CPEB1: variants seen among roughly 807,000 people sequenced by gnomAD.
CPEB1 encodes cytoplasmic polyadenylation element-binding protein 1.
In CPEB1, 7 loss-of-function variants were observed where a neutral mutation model predicts 65.8. The ratio of observed to expected loss-of-function variants is 0.11; its 90% CI spans 0.06 to 0.20. The LOEUF is 0.20. CPEB1 is among the 10% of genes least tolerant of loss of function. The pLI is 1.00. For synonymous variants in CPEB1, 262 were observed against 260.0 expected (o/e 1.01, Z -0.08); for missense variants, 551 against 712.2 (o/e 0.77, Z 2.58).
intron 1 of CPEB1, among the ~76,000 whole-genome samples, chr15:82,632,173 G>A (rs2046311128): frequency 6.6e-6 from 1 of 151,582 alleles, no homozygotes; most frequent in Admixed American, 6.6e-5. Context: ...TAGTAGAGAT[G>A]GGGTTTCACC....
chr15:82,605,330 A>G (rs1029371403), intron 3 of CPEB1, among the ~76,000 whole-genome samples: 1 of 152,194 alleles, frequency 6.6e-6, no homozygotes, highest in African/African-American at 2.4e-5. Flanking sequence ...ATAGGTAAAT[A>G]TAATAGAGAG....
rs1318296933 is a variant in CPEB1, at chr15:82,628,385, A to C, written c.75T>G (p.Asp25Glu). Residue 25 changes from aspartate to glutamate, a missense_variant, in exon 2 of 13, where the codon GAT (aspartate) becomes GAG (glutamate). By Grantham distance (45) the Asp-to-Glu change is conservative. Transcript: ENST00000684509. ...GTGLEHSSLS[D>E]CLLLIPLEEE... ...ATACCAGAGGAATTAGCAGAAGACA[A>C]TCTGATAGAGATGAGTGCTCCAAAC... 1 of 702,860 alleles carries C rather than the reference A, an allele frequency of 1.4e-6. No homozygotes were observed. Among genetic ancestry groups the C allele is most frequent in the Non-Finnish European group, 2.6e-6 (1 of 384,898 alleles). The allele number at this position is 702,860 out of a possible 1,614,324, so 43.5% of individuals were successfully genotyped here.
At chr15:82,623,828 T>G (rs531828910) in intron 3 of CPEB1, among the ~76,000 whole-genome samples, 15 of 152,338 alleles carry the variant, frequency 9.8e-5, no homozygotes, top group Admixed American at 7.8e-4. Flanking sequence ...TTTTTTCATT[T>G]CAGACACTGT....
At chr15:82,596,431 C>T (rs1016666282) in intron 3 of CPEB1, among the ~76,000 whole-genome samples, 2 of 152,074 alleles carry the variant, frequency 1.3e-5, no homozygotes, top group Non-Finnish European at 2.9e-5. Context: ...ACAGGACAGG[C>T]GCTGCAGCTC....
chr15:82,581,790 T>C (rs1053934712), intron 3 of CPEB1, among the ~76,000 whole-genome samples: 7 of 152,202 alleles, frequency 4.6e-5, no homozygotes, highest in African/African-American at 1.7e-4. Flanking sequence ...TTTTGTTGAA[T>C]TGCCATCCAA....
At chr15:82,593,747 T>TA (rs1352482602) in intron 3 of CPEB1, among the ~76,000 whole-genome samples, 1 of 152,202 alleles carries the variant, frequency 6.6e-6, no homozygotes, top group Non-Finnish European at 1.5e-5. Flanking sequence ...GACTTGAAAG[T>TA]AAAAATTACT....
chr15:82,562,104 G>A (rs901064602), intron 4 of CPEB1: 3 of 422,532 alleles, frequency 7.1e-6, no homozygotes, highest in Admixed American at 5.9e-5. Context: ...AACAGCTAAT[G>A]AGTGACAGAG....
intron 3 of CPEB1, among the ~76,000 whole-genome samples, chr15:82,593,566 T>C (rs2042432223): frequency 1.3e-5 from 2 of 152,230 alleles, no homozygotes; most frequent in Non-Finnish European, 2.9e-5. Context: ...TGGAATCAAC[T>C]TCTTCCAAAT....
chr15:82,558,873 A>G (rs2037703220), intron 4 of CPEB1, among the ~76,000 whole-genome samples: 1 of 152,104 alleles, frequency 6.6e-6, no homozygotes, highest in Admixed American at 6.6e-5. Context: ...CACACCCTCT[A>G]TCTATGAGAA....
intron 4 of CPEB1, among the ~76,000 whole-genome samples, chr15:82,563,144 A>T (rs2038515791): frequency 6.6e-6 from 1 of 152,308 alleles, no homozygotes; most frequent in East Asian, 1.9e-4. Context: ...AACCCAAGGG[A>T]CTTTGTAAGC....
At chr15:82,610,882 C>T (rs1190806707) in intron 3 of CPEB1, among the ~76,000 whole-genome samples, 2 of 138,144 alleles carry the variant, frequency 1.4e-5, no homozygotes, top group Admixed American at 8.2e-5. Context: ...TGCTTGAACC[C>T]GGGAGGCAGA....
rs1596139086 is a variant in CPEB1, at chr15:82,635,041, G to C, written c.-97-6485C>G. On this transcript the variant is annotated intron_variant, in intron 1 of 12. Coordinates refer to ENST00000684509, the MANE Select transcript of CPEB1 (RefSeq NM_001365242.1). ...GCTAATTTTTTATATTTTTAGTAGAGATGGGGTTTCGCCATGTTGGCCAGG... is the reference window on the plus strand; with the variant it reads ...GCTAATTTTTTATATTTTTAGTAGACATGGGGTTTCGCCATGTTGGCCAGG... Among the ~76,000 whole-genome samples the C allele has an allele frequency of 2.0e-5, 3 of 152,216 alleles. No homozygotes were observed. The South Asian group carries it at 6.2e-4, about 32-fold the overall frequency.
intron 3 of CPEB1, among the ~76,000 whole-genome samples, chr15:82,598,986 G>A (rs1010687417): frequency 2.6e-5 from 4 of 152,110 alleles, no homozygotes; most frequent in African/African-American, 7.2e-5. Context: ...TATATCTGAG[G>A]AAATGAAGGA....
intron 3 of CPEB1, among the ~76,000 whole-genome samples, chr15:82,584,855 T>C (rs1244257569): frequency 6.8e-6 from 1 of 146,738 alleles, no homozygotes; most frequent in South Asian, 2.2e-4. Context: ...ATGTTAACAA[T>C]AGTTATTTCT....
intron 4 of CPEB1, among the ~76,000 whole-genome samples, chr15:82,568,754 C>A (rs916108618): frequency 3.3e-5 from 5 of 152,182 alleles, no homozygotes; most frequent in African/African-American, 1.2e-4. Context: ...TATACCTCCT[C>A]ATTTGTTTTC....
rs1410856845 is a variant in CPEB1, at chr15:82,543,965, T to A, written c.*627A>T. ...TGTTCCAAACGACTTAAAAACTGTTTTAAGGAGTGTAAAAAGGAACCGGTA... is the reference window on the plus strand; with the variant it reads ...TGTTCCAAACGACTTAAAAACTGTTATAAGGAGTGTAAAAAGGAACCGGTA... On this transcript the variant is annotated 3_prime_UTR_variant, in exon 13 of 13. Coordinates refer to ENST00000684509, the MANE Select transcript of CPEB1 (RefSeq NM_001365242.1). 1 of 152,260 alleles carries A rather than the reference T, an allele frequency of 6.6e-6. No individual in the cohort carries two copies. Among genetic ancestry groups the A allele is most frequent in the African/African-American group, 2.4e-5 (1 of 41,410 alleles). 9.4% of individuals were successfully genotyped at this position (152,260 alleles called of 1,614,324 possible).
At chr15:82,635,524 G>A (rs1334180758) in intron 1 of CPEB1, among the ~76,000 whole-genome samples, 2 of 152,126 alleles carry the variant, frequency 1.3e-5, no homozygotes, top group Admixed American at 6.5e-5. Context: ...AATTTATCAG[G>A]TTGGTCCATA....
rs572613401 is a variant in CPEB1 at position 82,575,226 on chromosome 15, T to TG, written c.272-3695dup. On this transcript the variant is annotated intron_variant, in intron 3 of 12. Transcript: ENST00000684509. ...ATATACCAGACTTAAAGCAATTCAT[T>TG]GGGGAAAAACTTTTTAACAAATGGC... 2.2e-3 allele frequency among the ~76,000 whole-genome samples: 332 copies of TG among 152,222 alleles called. 1 individual carries two copies. The highest frequency in any genetic ancestry group is 7.8e-3 in the African/African-American group (325 of 41,518).
chr15:82,564,987 T>C lies in CPEB1; in HGVS notation c.460+6357A>G, dbSNP rs113164747. On this transcript the variant is annotated intron_variant, in intron 4 of 12. Coordinates refer to ENST00000684509, the MANE Select transcript of CPEB1 (RefSeq NM_001365242.1). ...AAAGGGGCAATGCCATCCTAGAGAA[T>C]AGGATCAGGGTGCCCCAGAATTAAC... Among the ~76,000 whole-genome samples, 659 of 152,232 alleles carry C rather than the reference T, an allele frequency of 4.3e-3. 4 individuals are homozygous for C. The highest frequency in any genetic ancestry group is 0.015 in the African/African-American group (620 of 41,544).
Sources: gnomAD v4.1 joint callset for allele counts (sites outside exome capture counted in the v4.1 genomes callset) on GRCh38, gnomAD v4.1.1 for gene constraint, MANE v1.5 for transcripts, NCBI Gene and HGNC (gene_info 2026-07-23, HGNC 2026-07-21) for gene names.